SPDYE12: variants seen among roughly 807,000 people sequenced by gnomAD.
SPDYE12 encodes the protein speedy protein E12.
the SPDYE12 span, among the ~76,000 whole-genome samples, chr7:74,908,828 C>T: frequency 6.7e-6 from 1 of 148,722 alleles, no homozygotes; most frequent in Non-Finnish European, 1.5e-5. Context: ...CGCCCGCCAC[C>T]ACACCCGGCT....
chr7:74,906,059 G>T, the SPDYE12 span, among the ~76,000 whole-genome samples: 1 of 149,288 alleles, frequency 6.7e-6, no homozygotes, highest in African/African-American at 2.6e-5. Flanking sequence ...CACCCTCAGA[G>T]AATGTGGCTT....
At chr7:74,910,597 G>A in the SPDYE12 span, among the ~76,000 whole-genome samples, 1 of 150,820 alleles carries the variant, frequency 6.6e-6, no homozygotes, top group Non-Finnish European at 1.5e-5. Context: ...GCTGAGGTGG[G>A]AGAATCGCTT....
the SPDYE12 span, among the ~76,000 whole-genome samples, chr7:74,907,951 A>T: frequency 6.7e-6 from 1 of 150,086 alleles, no homozygotes; most frequent in South Asian, 2.1e-4. Flanking sequence ...ATACACTGAT[A>T]TTTTGCCAGG....
At chr7:74,908,516 G>C in the SPDYE12 span, among the ~76,000 whole-genome samples, 1 of 110,290 alleles carries the variant, frequency 9.1e-6, no homozygotes, top group Admixed American at 1.0e-4. Flanking sequence ...ACCCGGAGGA[G>C]GCTGATGGCT....
the SPDYE12 span, among the ~76,000 whole-genome samples, chr7:74,909,119 C>T: frequency 1.5e-5 from 2 of 134,080 alleles, no homozygotes; most frequent in African/African-American, 2.8e-5. Context: ...AGTGGCTCAA[C>T]CTTAGCATAC....
the SPDYE12 span, among the ~76,000 whole-genome samples, chr7:74,909,814 G>A: frequency 4.0e-5 from 6 of 149,908 alleles, no homozygotes; most frequent in African/African-American, 7.3e-5. Context: ...AAGGGTTTTC[G>A]GTGATGCTCC....
the SPDYE12 span, chr7:74,909,755 G>A: frequency 8.4e-5 from 61 of 724,598 alleles, 2 homozygotes; most frequent in East Asian, 7.6e-4. Flanking sequence ...TGGAAATTGC[G>A]GGGTGGAGGG....
the SPDYE12 span, chr7:74,909,558 G>A: frequency 1.3e-6 from 2 of 1,583,300 alleles, no homozygotes; most frequent in African/African-American, 1.3e-5. Context: ...GTATTGCCAG[G>A]AGGGGAGGCC....
At chr7:74,910,989 A>C in the SPDYE12 span, 6 of 932,574 alleles carry the variant, frequency 6.4e-6, 1 homozygote, top group Non-Finnish European at 9.8e-6. Context: ...CCCGGGGGAA[A>C]GTCTCAGGAT....
the SPDYE12 span, among the ~76,000 whole-genome samples, chr7:74,909,213 C>G: frequency 6.6e-6 from 1 of 150,612 alleles, no homozygotes; most frequent in Non-Finnish European, 1.5e-5. Context: ...ACCAACATGC[C>G]CGACTGATTT....
chr7:74,908,879 C>CA, the SPDYE12 span, among the ~76,000 whole-genome samples: 2 of 149,042 alleles, frequency 1.3e-5, 1 homozygote, highest in East Asian at 3.9e-4. Flanking sequence ...GACAGGGTTT[C>CA]ACCATGTTAG....
chr7:74,908,083 A>G, the SPDYE12 span, among the ~76,000 whole-genome samples: 2 of 149,720 alleles, frequency 1.3e-5, no homozygotes, highest in Non-Finnish European at 3.0e-5. Flanking sequence ...AGAAGTTGGA[A>G]GATGAGGGAA....
At chr7:74,909,053 CTT>C in the SPDYE12 span, among the ~76,000 whole-genome samples, 3 of 46,254 alleles carry the variant, frequency 6.5e-5, no homozygotes, top group Non-Finnish European at 8.9e-5. Context: ...TTTTTTTTGG[CTT>C]TTTTTTTTTT....
the SPDYE12 span, chr7:74,909,590 G>A: frequency 6.5e-7 from 1 of 1,527,472 alleles, no homozygotes; most frequent in Non-Finnish European, 9.1e-7. Flanking sequence ...AATACGCTAT[G>A]ACCATAGCCA....
At chr7:74,908,661 CTTTTTTTTTTT>C in the SPDYE12 span, among the ~76,000 whole-genome samples, 11 of 58,602 alleles carry the variant, frequency 1.9e-4, no homozygotes, top group Non-Finnish European at 3.2e-4. Context: ...GTTTTTTGTT[CTTTTTTTTTTT>C]TTTTTTTTTT....
At chr7:74,911,928 C>G in the SPDYE12 span, 1 of 32,124 alleles carries the variant, frequency 3.1e-5, no homozygotes, top group Non-Finnish European at 5.6e-5. Context: ...TGTCCTCCTA[C>G]CAAGCAGCCT....
the SPDYE12 span, among the ~76,000 whole-genome samples, chr7:74,908,136 G>A: frequency 7.0e-6 from 1 of 143,840 alleles, no homozygotes; most frequent in Non-Finnish European, 1.5e-5. Flanking sequence ...CAAGGAATGG[G>A]TCCTTCCCTT....
At chr7:74,910,561 A>G in the SPDYE12 span, among the ~76,000 whole-genome samples, 4 of 149,606 alleles carry the variant, frequency 2.7e-5, no homozygotes, top group Admixed American at 6.7e-5. Context: ...GTGGTGGTTC[A>G]TGTTTGTAAT....
the SPDYE12 span, among the ~76,000 whole-genome samples, chr7:74,914,900 G>A: frequency 1.0e-3 from 144 of 139,908 alleles, 1 homozygote; most frequent in Non-Finnish European, 2.0e-3. Flanking sequence ...TCCAGCCTGG[G>A]CAACAAGAGC....
Sources: allele counts gnomAD v4.1 joint callset (sites outside exome capture counted in the v4.1 genomes callset), GRCh38; gene constraint gnomAD v4.1.1; transcripts MANE v1.5; gene names NCBI Gene and HGNC (gene_info 2026-07-23, HGNC 2026-07-21).